The following MTRES1 variants were observed in gnomAD, a reference collection of about 807,000 sequenced individuals.
The protein encoded by MTRES1 is mitochondrial transcription rescue factor 1.
MTRES1 carries 11 observed loss-of-function variants against 17.4 expected under a neutral mutation model. That is an observed-to-expected ratio of 0.63 (90% confidence interval 0.40 to 1.05). The LOEUF is 1.05. Ranked by LOEUF, MTRES1 falls within the 50% of genes least tolerant of loss-of-function variation. MTRES1 has a pLI of 0.00. For synonymous variants in MTRES1, 94 were observed against 99.6 expected, an observed-to-expected ratio of 0.94 and a Z score of 0.34; for missense variants, 268 against 276.2, an observed-to-expected ratio of 0.97 and a Z score of 0.21.
chr6:107,047,749 G>A (rs1221304860), intron 3 of MTRES1, among the ~76,000 whole-genome samples: 8 of 152,024 alleles, frequency 5.3e-5, no homozygotes, highest in Admixed American at 5.2e-4. Context: ...ACCCGGGCAT[G>A]GTGGCAGGCT....
At chr6:107,050,799 A>G (rs1427098703) in intron 3 of MTRES1, among the ~76,000 whole-genome samples, 1 of 151,208 alleles carries the variant, frequency 6.6e-6, no homozygotes, top group Non-Finnish European at 1.5e-5. Context: ...CTGGTCTCGA[A>G]CTCCTGACCT....
chr6:107,049,720 CTTTTTTTTTT>C (rs66581737), intron 3 of MTRES1, among the ~76,000 whole-genome samples: 1 of 98,820 alleles, frequency 1.0e-5, no homozygotes, highest in Admixed American at 1.1e-4. Context: ...GCCGGCCCTT[CTTTTTTTTTT>C]TTTTTTTTGA....
intron 2 of MTRES1, among the ~76,000 whole-genome samples, chr6:107,041,854 C>T (rs190501683): frequency 1.3e-5 from 2 of 152,046 alleles, no homozygotes; most frequent in African/African-American, 4.8e-5. Context: ...CTGATTCCCT[C>T]TCTGCTAGAT....
chr6:107,043,833 A>C (rs1774298667), intron 2 of MTRES1, among the ~76,000 whole-genome samples: 1 of 152,216 alleles, frequency 6.6e-6, no homozygotes, highest in Non-Finnish European at 1.5e-5. Flanking sequence ...TACCTTTAAA[A>C]AAAATAGATT....
chr6:107,040,915 A>T (rs1178882455), intron 2 of MTRES1: 1 of 150,928 alleles, frequency 6.6e-6, no homozygotes, highest in African/African-American at 2.4e-5. Context: ...CATGATGTAT[A>T]CTAAGATGTT....
In MTRES1 at chr6:107,041,224, CAAA is replaced by C. The variant is rs55820077; in HGVS notation, c.470+1010_470+1012del. On this transcript the variant is annotated intron_variant, in intron 2 of 3. Coordinates refer to ENST00000311381, the MANE Select transcript of MTRES1 (RefSeq NM_016487.5). The stretch of plus-strand genomic sequence containing the variant: ...TGGGCGACAGAGCAAGACTCCGTCT[CAAA>C]AAAAAAAAAAAAAAAGAATGCAGGC... Among the ~76,000 whole-genome samples, 563 of 122,804 alleles carry C rather than the reference CAAA, an allele frequency of 4.6e-3. 5 individuals are homozygous for C. Among genetic ancestry groups the C allele is most frequent in the African/African-American group, 9.9e-3 (339 of 34,254 alleles). 80.6% of individuals were successfully genotyped at this position (122,804 alleles called of 152,430 possible).
chr6:107,031,637 G>A lies in MTRES1; in HGVS notation c.-13+3366G>A, dbSNP rs560365533. ...TTTTTTTTTGAGACGTCTCACTCTT[G>A]TTGTCCAGGCTGGAGTGCAATGGCG... On this transcript the variant is annotated intron_variant, in intron 1 of 3. Coordinates refer to ENST00000311381, the MANE Select transcript of MTRES1 (RefSeq NM_016487.5). Among the ~76,000 whole-genome samples the A allele has an allele frequency of 1.3e-3, 192 of 149,534 alleles. 1 individual carries two copies. The highest frequency in any genetic ancestry group is 1.2e-3 in the Non-Finnish European group (81 of 67,652).
In MTRES1 at chr6:107,044,251, G is replaced by C. The variant is rs782609653; in HGVS notation, c.471-9G>C. ...ATTGTGTACATTGTTGCTTTTTTTTGTTTTGTAGCAAAGTGGAAGATGCTT... is the reference window on the plus strand; with the variant it reads ...ATTGTGTACATTGTTGCTTTTTTTTCTTTTGTAGCAAAGTGGAAGATGCTT... On this transcript the variant is annotated splice_polypyrimidine_tract_variant and intron_variant, in intron 2 of 3. Coordinates refer to ENST00000311381, the MANE Select transcript of MTRES1 (RefSeq NM_016487.5). The C allele has an allele frequency of 2.5e-6, 4 of 1,607,904 alleles. No homozygotes were observed. In the South Asian group the frequency reaches 4.4e-5, roughly 18 times the overall value.
At chr6:107,033,307 T>C (rs1554226631) in intron 1 of MTRES1, among the ~76,000 whole-genome samples, 2 of 151,594 alleles carry the variant, frequency 1.3e-5, no homozygotes, top group Non-Finnish European at 2.9e-5. Flanking sequence ...CATGGCTTGG[T>C]AGAGGAGGAT....
In MTRES1 at chr6:107,044,241, G is replaced by C. The variant is rs782486726; in HGVS notation, c.471-19G>C. 6 of 1,607,448 alleles carry C rather than the reference G, an allele frequency of 3.7e-6. No individual in the cohort carries two copies. The highest frequency in any genetic ancestry group is 5.1e-6 in the Non-Finnish European group (6 of 1,174,228). On this transcript the variant is annotated intron_variant, in intron 2 of 3. Coordinates refer to ENST00000311381, the MANE Select transcript of MTRES1 (RefSeq NM_016487.5). ...CATCACCCAAATTGTGTACATTGTTGCTTTTTTTTGTTTTGTAGCAAAGTG... is the reference window on the plus strand; with the variant it reads ...CATCACCCAAATTGTGTACATTGTTCCTTTTTTTTGTTTTGTAGCAAAGTG...
In MTRES1 at chr6:107,050,563, T is replaced by C. The variant is rs1024165456; in HGVS notation, c.544-494T>C. On this transcript the variant is annotated intron_variant, in intron 3 of 3. Coordinates refer to ENST00000311381, the MANE Select transcript of MTRES1 (RefSeq NM_016487.5). The stretch of plus-strand genomic sequence containing the variant: ...GCACTCTCCCTTTCTTTTTTTTTTT[T>C]TTTTTTTTTTTTTCGTTTTTTTCGT... 2.3e-3 allele frequency among the ~76,000 whole-genome samples: 348 copies of C among 148,094 alleles called. 7 individuals are homozygous for C. The highest frequency in any genetic ancestry group is 0.021 in the Admixed American group (308 of 14,452).
chr6:107,049,606 G>T (rs1418380737), intron 3 of MTRES1, among the ~76,000 whole-genome samples: 1 of 151,660 alleles, frequency 6.6e-6, no homozygotes, highest in Non-Finnish European at 1.5e-5. Context: ...GTAGAGACGG[G>T]GTTTCACCGT....
At chr6:107,035,173 G>C (rs943274363) in intron 1 of MTRES1, among the ~76,000 whole-genome samples, 1 of 151,110 alleles carries the variant, frequency 6.6e-6, no homozygotes, top group Admixed American at 6.6e-5. Context: ...CACTCTTGTT[G>C]CCCAGGCTGG....
rs183013719 is a variant in MTRES1, at chr6:107,039,816, G to A, written c.56G>A (p.Trp19Ter). ...GGTGTTTTAAGAAAGCCAGATGCCT[G>A]GATTGGACTCTGGGGTGTTCTCCGA... ...LAGVLRKPDA[W>*]IGLWGVLRGT... Residue 19 changes from tryptophan (W) to a stop codon, truncating the protein, a stop_gained, in exon 2 of 4, where the codon TGG becomes TAG. Coordinates refer to ENST00000311381, the MANE Select transcript of MTRES1 (RefSeq NM_016487.5). LOFTEE classifies it high-confidence loss of function. The A allele has an allele frequency of 5.3e-5, 86 of 1,613,388 alleles. No individual in the cohort carries two copies. Among genetic ancestry groups the A allele is most frequent in the Non-Finnish European group, 6.4e-5 (75 of 1,179,728 alleles).
chr6:107,039,731 A>G lies in MTRES1; in HGVS notation c.-12-18A>G. Reference sequence around the variant, plus strand: ...ACACTGCACTTGTGAGATAAAACTGATTTATTATCTGTTTCAGATTATAAG... The same window carrying G: ...ACACTGCACTTGTGAGATAAAACTGGTTTATTATCTGTTTCAGATTATAAG... On this transcript the variant is annotated intron_variant, in intron 1 of 3. Transcript: ENST00000311381. 1.9e-6 allele frequency: 3 copies of G among 1,571,156 alleles called. No individual in the cohort carries two copies. The highest frequency in any genetic ancestry group is 2.6e-6 in the Non-Finnish European group (3 of 1,166,036).
chr6:107,036,193 A>T (rs1251836811), intron 1 of MTRES1, among the ~76,000 whole-genome samples: 2 of 152,188 alleles, frequency 1.3e-5, no homozygotes, highest in Non-Finnish European at 2.9e-5. Context: ...ACCCACAGTG[A>T]GAAAAATAAA....
At chr6:107,035,331 C>T (rs1773973536) in intron 1 of MTRES1, among the ~76,000 whole-genome samples, 1 of 151,890 alleles carries the variant, frequency 6.6e-6, no homozygotes. Flanking sequence ...CCGGGTTTCT[C>T]CATGTTAGGC....
At chr6:107,034,752 C>T (rs1395881057) in intron 1 of MTRES1, among the ~76,000 whole-genome samples, 1 of 152,094 alleles carries the variant, frequency 6.6e-6, no homozygotes, top group Non-Finnish European at 1.5e-5. Flanking sequence ...CTTTGGGAGG[C>T]CAAGGTGGGC....
intron 1 of MTRES1, among the ~76,000 whole-genome samples, chr6:107,031,691 C>T (rs1554226453): frequency 6.6e-6 from 1 of 152,100 alleles, no homozygotes. Context: ...ACCTCTGCCT[C>T]CCGGGTTCAA....
Sources: gnomAD v4.1 joint callset for allele counts (sites outside exome capture counted in the v4.1 genomes callset) on GRCh38, gnomAD v4.1.1 for gene constraint, MANE v1.5 for transcripts, NCBI Gene and HGNC (gene_info 2026-07-23, HGNC 2026-07-21) for gene names.